The following CAMK2A variants were observed in gnomAD, a reference collection of about 807,000 sequenced individuals.
The protein encoded by CAMK2A is calcium/calmodulin dependent protein kinase II alpha, also known as calcium/calmodulin-dependent protein kinase type II subunit alpha.
CAMK2A carries 7 observed loss-of-function variants against 79.2 expected under a neutral mutation model. The observed-to-expected ratio is 0.09, with a 90% CI of 0.05 to 0.17. CAMK2A has a LOEUF of 0.17. CAMK2A is among the 10% of genes least tolerant of loss of function. The probability of loss-of-function intolerance (pLI) is 1.00; values close to 1 mark genes in which losing one functional copy is unlikely to be tolerated. For synonymous variants in CAMK2A, 242 were observed against 251.7 expected (o/e 0.96, Z 0.36); for missense variants, 214 against 646.4 (o/e 0.33, Z 7.25).
intron 7 of CAMK2A, 69 bp from the exon 8 acceptor site, chr5:150,252,134 TC>T: frequency 1.7e-6 from 2 of 1,199,664 alleles, no homozygotes; most frequent in Non-Finnish European, 2.4e-6. Flanking sequence ...TGGAGCAAGA[TC>T]CTGCTGGAAG....
Position 150,233,359 on chromosome 5 carries a change from G to A in CAMK2A, c.1067-1979C>T, listed in dbSNP as rs13178232. ...ATTCTCCCACACTACACCCAGCACC[G>A]CCCCTGGCACATGGTAGATGTAGCA... is the stretch of plus-strand genomic sequence containing the variant. On this transcript the variant is annotated intron_variant, in intron 15 of 18. Transcript: ENST00000671881. Among the ~76,000 whole-genome samples, 361 of 152,240 alleles carry A rather than the reference G, an allele frequency of 2.4e-3. 1 individual carries two copies. Among genetic ancestry groups the A allele is most frequent in the African/African-American group, 5.3e-3 (220 of 41,530 alleles).
chr5:150,284,255 G>A lies in CAMK2A; in HGVS notation c.62+5309C>T, dbSNP rs1011196102. On this transcript the variant is annotated intron_variant, in intron 1 of 18. Transcript: ENST00000671881. This position sits in a 1 kb window ranked among gnomAD's most constrained non-coding sequence, Gnocchi z 5.3. ...CACCATCTTGCTATCCCTGCACTGG[G>A]AGATGGACTCGTGCTCTATGCCCTG... is the stretch of plus-strand genomic sequence containing the variant. Among the ~76,000 whole-genome samples, 1 of 152,136 alleles carries A rather than the reference G, an allele frequency of 6.6e-6. No individual in the cohort carries two copies. The highest frequency in any genetic ancestry group is 2.4e-5 in the African/African-American group (1 of 41,406).
In CAMK2A at chr5:150,289,641, G is replaced by A. The variant is rs1347702811; in HGVS notation, c.-16C>T. On this transcript the variant is annotated 5_prime_UTR_variant, in exon 1 of 19. Coordinates refer to ENST00000671881, the MANE Select transcript of CAMK2A (RefSeq NM_015981.4). ...TGGTGGCCATCCTGGCGCTGGGCAGGCAGGTGAGGCTTGGGACTGGGGGAC... is the reference window on the plus strand; with the variant it reads ...TGGTGGCCATCCTGGCGCTGGGCAGACAGGTGAGGCTTGGGACTGGGGGAC... The A allele has an allele frequency of 2.5e-6, 4 of 1,611,848 alleles. No individual in the cohort carries two copies. Among genetic ancestry groups the A allele is most frequent in the African/African-American group, 1.3e-5 (1 of 75,018 alleles).
chr5:150,269,427 G>C (rs116034589), intron 2 of CAMK2A, among the ~76,000 whole-genome samples: 1 of 151,770 alleles, frequency 6.6e-6, no homozygotes, highest in Admixed American at 6.6e-5. Flanking sequence ...CCTCCAGAAG[G>C]GAGTGGACTC....
chr5:150,247,876 C>G, intron 11 of CAMK2A, 62 bp from the exon 12 acceptor site: 1 of 1,444,046 alleles, frequency 6.9e-7, no homozygotes. Flanking sequence ...CCAGGAGGGA[C>G]AGAGAGACGG....
At chr5:150,268,812 C>G (rs1383472851) in intron 2 of CAMK2A, among the ~76,000 whole-genome samples, 1 of 152,192 alleles carries the variant, frequency 6.6e-6, no homozygotes, top group Non-Finnish European at 1.5e-5. Context: ...CAGGTTGGAG[C>G]ACAGTGGCAG....
intron 12 of CAMK2A, 46 bp from the exon 13 acceptor site, chr5:150,245,247 C>A (rs769415666): frequency 2.5e-6 from 4 of 1,590,996 alleles, no homozygotes; most frequent in Non-Finnish European, 3.4e-6. Context: ...AGGCAGGGCA[C>A]CAGGGCCCAC....
chr5:150,272,707 G>A (rs1424207446), intron 2 of CAMK2A, among the ~76,000 whole-genome samples: 1 of 151,900 alleles, frequency 6.6e-6, no homozygotes, highest in Non-Finnish European at 1.5e-5. Context: ...TTCATGAAAG[G>A]AGCCAGGAGA....
intron 2 of CAMK2A, chr5:150,265,235 G>A (rs1010251438): frequency 2.4e-5 from 13 of 540,564 alleles, no homozygotes; most frequent in Admixed American, 2.2e-4. Context: ...CACATCCCTC[G>A]CCCTCTCTGG....
intron 15 of CAMK2A, among the ~76,000 whole-genome samples, chr5:150,237,447 G>A (rs1332512154): frequency 6.6e-6 from 1 of 151,976 alleles, no homozygotes; most frequent in Non-Finnish European, 1.5e-5. Context: ...TCCCTGTCCT[G>A]GGGAAGGAGG....
At chr5:150,247,900 A>G in intron 11 of CAMK2A, 86 bp from the exon 12 acceptor site, 2 of 1,092,992 alleles carry the variant, frequency 1.8e-6, no homozygotes, top group Non-Finnish European at 2.8e-6. Flanking sequence ...GGCCACGGGG[A>G]AGGAGAGGCA....
At chr5:150,254,521 T>C (rs1755970281) in intron 6 of CAMK2A, among the ~76,000 whole-genome samples, 1 of 152,202 alleles carries the variant, frequency 6.6e-6, no homozygotes, top group Non-Finnish European at 1.5e-5. Flanking sequence ...ATGAGGCTTA[T>C]ACATGGGGCC....
At chr5:150,236,118 A>G (rs10066581) in intron 15 of CAMK2A, among the ~76,000 whole-genome samples, 131,531 of 152,108 alleles carry the variant, frequency 0.86, 56,977 homozygotes, top group Middle Eastern at 0.94. Context: ...TTTGCAAATT[A>G]CCCCATCCTG....
Position 150,251,926 on chromosome 5 carries a change from G to A in CAMK2A, c.598+56C>T, listed in dbSNP as rs377468409. 4.5e-6 allele frequency: 7 copies of A among 1,567,886 alleles called. No individual in the cohort carries two copies. The African/African-American group carries it at 5.4e-5, about 12-fold the overall frequency. Reference sequence around the variant, plus strand: ...GGGAGTGATGGGAAAGGAGAGAGGGGGCCCCAGAGGCCGGGGTGCAGCCAG... The same window carrying A: ...GGGAGTGATGGGAAAGGAGAGAGGGAGCCCCAGAGGCCGGGGTGCAGCCAG... On this transcript the variant is annotated intron_variant, in intron 8 of 18. Coordinates refer to ENST00000671881, the MANE Select transcript of CAMK2A (RefSeq NM_015981.4).
chr5:150,280,630 T>C (rs757639016), intron 1 of CAMK2A, among the ~76,000 whole-genome samples: 13 of 151,804 alleles, frequency 8.6e-5, no homozygotes, highest in Non-Finnish European at 1.9e-4. Context: ...CGCCCACCCA[T>C]GCCTCCTCCC....
chr5:150,267,219 C>A (rs939023382), intron 2 of CAMK2A, among the ~76,000 whole-genome samples: 1 of 152,196 alleles, frequency 6.6e-6, no homozygotes, highest in Non-Finnish European at 1.5e-5. Flanking sequence ...GCTGACCAGG[C>A]GGGGCCCTCC....
In CAMK2A at chr5:150,256,880, G is replaced by A; in HGVS notation, c.273-49C>T. 1 of 1,509,804 alleles carries A rather than the reference G, an allele frequency of 6.6e-7. No individual in the cohort carries two copies. Among genetic ancestry groups the A allele is most frequent in the Non-Finnish European group, 9.1e-7 (1 of 1,095,960 alleles). 93.5% of individuals were successfully genotyped at this position (1,509,804 alleles called of 1,614,324 possible). Reference sequence around the variant, plus strand: ...CCCTCTAATAGAGGCGACAGGTGCTGCCTCATCTGGAGGAGTCTCCAGGAA... The same window carrying A: ...CCCTCTAATAGAGGCGACAGGTGCTACCTCATCTGGAGGAGTCTCCAGGAA... On this transcript the variant is annotated intron_variant, in intron 4 of 18. Coordinates refer to ENST00000671881, the MANE Select transcript of CAMK2A (RefSeq NM_015981.4). The surrounding 1 kb of genome is among the most constrained non-coding windows in gnomAD (Gnocchi z 4.6).
At chr5:150,249,830 G>A (rs1257240827) in intron 11 of CAMK2A, among the ~76,000 whole-genome samples, 2 of 152,200 alleles carry the variant, frequency 1.3e-5, no homozygotes, top group Non-Finnish European at 2.9e-5. Context: ...TTACAGGCAT[G>A]AGTCACTGCG....
chr5:150,251,727 CTGA>C lies in CAMK2A; in HGVS notation c.693+20_693+22del. 6.5e-7 allele frequency: 1 copy of C among 1,548,052 alleles called. No individual in the cohort carries two copies. Among genetic ancestry groups the C allele is most frequent in the South Asian group, 1.2e-5 (1 of 81,838 alleles). The stretch of plus-strand genomic sequence containing the variant: ...GAAGGGCACCAGAGGATGATGGGAG[CTGA>C]AGAGAGGAGCGACACTCACATCATA... On this transcript the variant is annotated intron_variant, in intron 9 of 18. Coordinates refer to ENST00000671881, the MANE Select transcript of CAMK2A (RefSeq NM_015981.4).
Sources: allele counts gnomAD v4.1 joint callset (sites outside exome capture counted in the v4.1 genomes callset), GRCh38; gene constraint gnomAD v4.1.1; non-coding constraint Gnocchi (gnomAD v3.1); transcripts MANE v1.5; gene names NCBI Gene and HGNC (gene_info 2026-07-23, HGNC 2026-07-21).